The following DLG2 variants were observed in gnomAD, a reference collection of about 807,000 sequenced individuals.
DLG2 encodes the protein discs large MAGUK scaffold protein 2, also known as disks large homolog 2.
A neutral mutation model predicts 132.5 loss-of-function variants in DLG2; 45 were observed. That is an observed-to-expected ratio of 0.34 (90% CI 0.27 to 0.44). The LOEUF is 0.44. DLG2 is among the 20% of genes least tolerant of loss of function. The probability of loss-of-function intolerance (pLI) is 1.00; values close to 1 mark genes in which losing one functional copy is unlikely to be tolerated. For synonymous variants in DLG2, 424 were observed against 419.6 expected, an observed-to-expected ratio of 1.01 and a Z score of -0.13; for missense variants, 1,045 against 1,196.9, an observed-to-expected ratio of 0.87 and a Z score of 1.87.
At chr11:84,052,334 G>A (rs974907800) in intron 11 of DLG2, among the ~76,000 whole-genome samples, 10 of 151,348 alleles carry the variant, frequency 6.6e-5, no homozygotes, top group Non-Finnish European at 1.5e-5. Context: ...AATATATATT[G>A]GTTCTATCTG....
chr11:84,894,475 A>G lies in DLG2; in HGVS notation c.357+217186T>C, dbSNP rs1040317965. On this transcript the variant is annotated intron_variant, in intron 6 of 27. Transcript: ENST00000376104. ...GGCGTGTAATTTAGTATACATACAC[A>G]TACTCACCACATGTTTACACACACA... Among the ~76,000 whole-genome samples, 5 of 152,272 alleles carry G rather than the reference A, an allele frequency of 3.3e-5. No individual in the cohort carries two copies. In the East Asian group the frequency reaches 9.7e-4, roughly 29 times the overall value.
intron 6 of DLG2, among the ~76,000 whole-genome samples, chr11:84,990,819 T>C (rs1278056761): frequency 2.6e-5 from 4 of 152,100 alleles, no homozygotes; most frequent in African/African-American, 9.7e-5. Context: ...CTGCTGTTTC[T>C]TTGACAACTA....
chr11:84,034,302 GT>G (rs575075589), intron 11 of DLG2, among the ~76,000 whole-genome samples: 1 of 151,722 alleles, frequency 6.6e-6, no homozygotes, highest in African/African-American at 2.4e-5. Context: ...TTTAATTAAG[GT>G]TTTTTTGGAT....
intron 19 of DLG2, among the ~76,000 whole-genome samples, chr11:83,583,447 C>A (rs2097019779): frequency 6.6e-6 from 1 of 152,202 alleles, no homozygotes; most frequent in Non-Finnish European, 1.5e-5. Flanking sequence ...AACTATGAAT[C>A]TGAGAAATGG....
At chr11:84,262,801 C>T (rs1455618090) in intron 7 of DLG2, among the ~76,000 whole-genome samples, 1 of 152,164 alleles carries the variant, frequency 6.6e-6, no homozygotes, top group Non-Finnish European at 1.5e-5. Flanking sequence ...TTCTGAGTAG[C>T]TTCACATAGA....
chr11:84,184,675 G>A (rs2096238561), intron 8 of DLG2, among the ~76,000 whole-genome samples: 1 of 152,068 alleles, frequency 6.6e-6, no homozygotes, highest in Admixed American at 6.6e-5. Flanking sequence ...TATTGCCTAG[G>A]TTTTCTTCTA....
At chr11:84,257,400 T>G (rs890861869) in intron 7 of DLG2, among the ~76,000 whole-genome samples, 1 of 152,192 alleles carries the variant, frequency 6.6e-6, no homozygotes, top group Non-Finnish European at 1.5e-5. Context: ...CTGCCACACC[T>G]AAATCCCCTG....
At chr11:85,016,266 C>G (rs2059567373) in intron 6 of DLG2, among the ~76,000 whole-genome samples, 1 of 152,094 alleles carries the variant, frequency 6.6e-6, no homozygotes, top group East Asian at 1.9e-4. Context: ...AGCAATCTAT[C>G]AAAAATGCAT....
intron 6 of DLG2, among the ~76,000 whole-genome samples, chr11:84,611,340 A>G (rs1357790003): frequency 6.6e-6 from 1 of 152,154 alleles, no homozygotes; most frequent in Non-Finnish European, 1.5e-5. Context: ...AGTAGAGAAA[A>G]CGCCATTTAC....
At chr11:85,407,805 A>G (rs1471466357) in intron 3 of DLG2, among the ~76,000 whole-genome samples, 1 of 151,870 alleles carries the variant, frequency 6.6e-6, no homozygotes, top group East Asian at 1.9e-4. Context: ...GCCATGAGTT[A>G]TAGGCAGCTA....
At chr11:83,622,552 A>G (rs574173543) in intron 19 of DLG2, among the ~76,000 whole-genome samples, 1 of 152,316 alleles carries the variant, frequency 6.6e-6, no homozygotes, top group African/African-American at 2.4e-5. Context: ...AGTGCTATAA[A>G]CTTTCCTTTT....
intron 12 of DLG2, 26 bp downstream of exon 12, chr11:83,980,480 C>T (rs1200120619): frequency 6.2e-7 from 1 of 1,600,252 alleles, no homozygotes; most frequent in Non-Finnish European, 8.5e-7. Context: ...TAAATATACA[C>T]ACAGTTTTGC....
intron 6 of DLG2, among the ~76,000 whole-genome samples, chr11:84,999,541 AATG>A (rs1231062444): frequency 6.6e-6 from 1 of 152,150 alleles, no homozygotes; most frequent in Non-Finnish European, 1.5e-5. Flanking sequence ...ATTCCTACCA[AATG>A]ATAAGTGAAA....
intron 7 of DLG2, among the ~76,000 whole-genome samples, chr11:84,276,604 T>C (rs1017069981): frequency 2.0e-5 from 3 of 152,228 alleles, no homozygotes; most frequent in Admixed American, 1.3e-4. Context: ...ATGTATTTTC[T>C]TCCTGTTAGC....
At chr11:83,516,723 G>T (rs1176981057) in intron 21 of DLG2, among the ~76,000 whole-genome samples, 1 of 152,130 alleles carries the variant, frequency 6.6e-6, no homozygotes, top group Non-Finnish European at 1.5e-5. Context: ...AGGCCTGGTG[G>T]TGACAAAATC....
chr11:83,935,177 C>T (rs890756952), intron 14 of DLG2, among the ~76,000 whole-genome samples: 1 of 152,134 alleles, frequency 6.6e-6, no homozygotes, highest in African/African-American at 2.4e-5. Context: ...GTCAAGGGCT[C>T]AGATGCCTAA....
At chr11:84,186,750 T>C in intron 8 of DLG2, among the ~76,000 whole-genome samples, 1 of 152,046 alleles carries the variant, frequency 6.6e-6, no homozygotes, top group Non-Finnish European at 1.5e-5. Context: ...TTTTGAACAG[T>C]ATATTTATAT....
At chr11:84,821,651 C>CAAA (rs1452375406) in intron 6 of DLG2, among the ~76,000 whole-genome samples, 1 of 121,032 alleles carries the variant, frequency 8.3e-6, no homozygotes, top group African/African-American at 3.1e-5. Flanking sequence ...ACAACAACAA[C>CAAA]AAAAAAAACA....
chr11:84,240,864 G>A (rs1447803420), intron 8 of DLG2, among the ~76,000 whole-genome samples: 2 of 152,180 alleles, frequency 1.3e-5, no homozygotes, highest in Admixed American at 6.5e-5. Context: ...AAAATCAGAT[G>A]TCATAATATC....
Sources: allele counts gnomAD v4.1 joint callset (sites outside exome capture counted in the v4.1 genomes callset), GRCh38; gene constraint gnomAD v4.1.1; transcripts MANE v1.5; gene names NCBI Gene and HGNC (gene_info 2026-07-23, HGNC 2026-07-21).